RIN2: variants seen among roughly 807,000 people sequenced by gnomAD.
RIN2 encodes the protein Ras and Rab interactor 2, also known as RAB5 interacting protein 2.
Under a neutral mutation model 78.0 loss-of-function variants are expected in RIN2, and 36 were observed. The observed-to-expected ratio is 0.46, with a 90% CI of 0.35 to 0.61. The LOEUF is 0.61. Among genes scored for constraint, RIN2 ranks in the 20% least tolerant of loss-of-function variants. The probability of loss-of-function intolerance (pLI) is 0.00; values close to 1 mark genes in which losing one functional copy is unlikely to be tolerated. For missense variants in RIN2, 1,087 were observed against 1,159.7 expected (o/e 0.94, Z 0.91); for synonymous variants, 466 against 466.8 (o/e 1.00, Z 0.02).
chr20:19,798,050 A>T (rs2035117667), intron 1 of RIN2, among the ~76,000 whole-genome samples: 1 of 151,634 alleles, frequency 6.6e-6, no homozygotes, highest in Non-Finnish European at 1.5e-5. Flanking sequence ...ATGGGGTTTC[A>T]CTGTGTTAGC....
chr20:19,759,963 G>A (rs917512487), intron 1 of RIN2, among the ~76,000 whole-genome samples: 29 of 152,228 alleles, frequency 1.9e-4, no homozygotes, highest in Admixed American at 7.8e-4. Flanking sequence ...TGGTTTGAGA[G>A]TTGACAGTGG....
chr20:19,794,720 T>C (rs942366049), intron 1 of RIN2, among the ~76,000 whole-genome samples: 1 of 152,172 alleles, frequency 6.6e-6, no homozygotes, highest in African/African-American at 2.4e-5. Flanking sequence ...CAACCTGTTA[T>C]TACCTTGTAG....
At chr20:19,759,827 C>T (rs968729520) in intron 1 of RIN2, among the ~76,000 whole-genome samples, 1 of 152,108 alleles carries the variant, frequency 6.6e-6, no homozygotes, top group African/African-American at 2.4e-5. Context: ...TTGTGCCACT[C>T]CACTCAGCCT....
intron 3 of RIN2, among the ~76,000 whole-genome samples, chr20:19,909,890 T>C (rs1336759683): frequency 6.6e-6 from 1 of 152,122 alleles, no homozygotes; most frequent in South Asian, 2.1e-4. Flanking sequence ...ATGGGGACCA[T>C]GATGCGGCCA....
At chr20:19,997,520 A>G (rs746699978) in intron 12 of RIN2, among the ~76,000 whole-genome samples, 44 of 152,276 alleles carry the variant, frequency 2.9e-4, no homozygotes, top group Non-Finnish European at 5.9e-4. Context: ...GCACTTTGGG[A>G]GGCCAAGGTG....
intron 5 of RIN2, among the ~76,000 whole-genome samples, chr20:19,957,345 C>G (rs761554932): frequency 6.6e-6 from 1 of 152,182 alleles, no homozygotes; most frequent in Non-Finnish European, 1.5e-5. Flanking sequence ...ACTGTCCGTC[C>G]CATCCAGACC....
At chr20:19,867,202 T>A (rs1430573361) in intron 2 of RIN2, among the ~76,000 whole-genome samples, 1 of 152,192 alleles carries the variant, frequency 6.6e-6, no homozygotes, top group Non-Finnish European at 1.5e-5. Context: ...CACATGCTCA[T>A]GTGCACACAC....
At chr20:19,902,954 A>G (rs1165116109) in intron 3 of RIN2, among the ~76,000 whole-genome samples, 5 of 152,124 alleles carry the variant, frequency 3.3e-5, no homozygotes, top group Non-Finnish European at 2.9e-5. Context: ...TTAGCCGGGC[A>G]TGGTGGCGGG....
chr20:19,772,037 T>G (rs2034145247), intron 1 of RIN2, among the ~76,000 whole-genome samples: 1 of 150,850 alleles, frequency 6.6e-6, no homozygotes, highest in Admixed American at 6.6e-5. Context: ...CTTCCGTGGA[T>G]AGAACAGATG....
intron 3 of RIN2, among the ~76,000 whole-genome samples, chr20:19,899,494 C>T (rs925956913): frequency 6.6e-6 from 1 of 152,202 alleles, no homozygotes; most frequent in African/African-American, 2.4e-5. Flanking sequence ...TGACTTCAAA[C>T]CGCAAACATT....
chr20:19,811,399 G>A (rs1255050749), intron 2 of RIN2, among the ~76,000 whole-genome samples: 1 of 152,116 alleles, frequency 6.6e-6, no homozygotes, highest in East Asian at 1.9e-4. Context: ...GCTCCAAAAG[G>A]CAGTAACTTC....
chr20:19,802,620 GCAGT>G (rs1444504711), intron 2 of RIN2, among the ~76,000 whole-genome samples: 12 of 152,272 alleles, frequency 7.9e-5, no homozygotes, highest in Middle Eastern at 3.4e-3. Context: ...TCCTTGGCAA[GCAGT>G]CAGTCAGCCA....
chr20:19,879,236 G>T (rs1458301674), intron 2 of RIN2, among the ~76,000 whole-genome samples: 1 of 152,196 alleles, frequency 6.6e-6, no homozygotes, highest in Non-Finnish European at 1.5e-5. Flanking sequence ...CCTTTCTGGT[G>T]ATGGCAACAG....
intron 2 of RIN2, among the ~76,000 whole-genome samples, chr20:19,825,072 G>A (rs557159911): frequency 6.6e-6 from 1 of 152,338 alleles, no homozygotes; most frequent in South Asian, 2.1e-4. Context: ...TGGGGTATGA[G>A]TCATGCTCTC....
At chr20:19,843,264 T>G (rs991430817) in intron 2 of RIN2, among the ~76,000 whole-genome samples, 3 of 152,222 alleles carry the variant, frequency 2.0e-5, no homozygotes, top group African/African-American at 7.2e-5. Flanking sequence ...TTTGAGAAGA[T>G]TACTCCAATT....
chr20:19,844,623 TC>T (rs2036690783), intron 2 of RIN2, among the ~76,000 whole-genome samples: 4 of 115,888 alleles, frequency 3.5e-5, no homozygotes, highest in Admixed American at 2.6e-4. Context: ...TTCTTCTTCT[TC>T]TTCTTCTTCT....
At chr20:19,810,767 C>G (rs2035568951) in intron 2 of RIN2, among the ~76,000 whole-genome samples, 1 of 140,874 alleles carries the variant, frequency 7.1e-6, no homozygotes, top group East Asian at 2.2e-4. Flanking sequence ...GATCTCGGCT[C>G]ACTGCAAGCT....
At chr20:19,867,663 T>C (rs1056101327) in intron 2 of RIN2, among the ~76,000 whole-genome samples, 3 of 152,228 alleles carry the variant, frequency 2.0e-5, no homozygotes, top group Non-Finnish European at 4.4e-5. Flanking sequence ...CCCAGAGTGA[T>C]GCGGTGGCCT....
At chr20:19,778,694 A>T (rs2122501533) in intron 1 of RIN2, among the ~76,000 whole-genome samples, 1 of 152,324 alleles carries the variant, frequency 6.6e-6, no homozygotes, top group African/African-American at 2.4e-5. Context: ...GGGGCCAGGA[A>T]CTGGGCCACA....
Sources: allele counts gnomAD v4.1 joint callset (sites outside exome capture counted in the v4.1 genomes callset), GRCh38; gene constraint gnomAD v4.1.1; transcripts MANE v1.5; gene names NCBI Gene and HGNC (gene_info 2026-07-23, HGNC 2026-07-21).